Variants in CTNNA1 observed in about 807,000 individuals in gnomAD.
The protein encoded by CTNNA1 is catenin alpha 1, also known as catenin alpha-1.
CTNNA1 carries 37 observed loss-of-function variants against 98.4 expected under a neutral mutation model. The ratio of observed to expected loss-of-function variants is 0.38; its 90% CI spans 0.29 to 0.49. CTNNA1 has a LOEUF of 0.49. CTNNA1 is among the 20% of genes least tolerant of loss of function. The pLI, the probability that CTNNA1 is intolerant of heterozygous loss-of-function variation, is 0.95. For synonymous variants in CTNNA1, 404 were observed against 413.2 expected, an observed-to-expected ratio of 0.98 and a Z score of 0.27; for missense variants, 761 against 1,147.2, an observed-to-expected ratio of 0.66 and a Z score of 4.86.
At chr5:138,806,345 G>A (rs1198530070) in intron 3 of CTNNA1, among the ~76,000 whole-genome samples, 1 of 151,062 alleles carries the variant, frequency 6.6e-6, no homozygotes, top group Non-Finnish European at 1.5e-5. Context: ...CCACAGTCTC[G>A]AGGGTCCTAA....
intron 5 of CTNNA1, among the ~76,000 whole-genome samples, chr5:138,813,667 C>T (rs1759086097): frequency 6.6e-6 from 1 of 152,044 alleles, no homozygotes; most frequent in Non-Finnish European, 1.5e-5. Context: ...ACTCTGTTGC[C>T]CAGGTTGGAG....
intron 3 of CTNNA1, among the ~76,000 whole-genome samples, chr5:138,806,536 C>CTGTAGCTT (rs1177515946): frequency 6.6e-6 from 1 of 152,086 alleles, no homozygotes; most frequent in Non-Finnish European, 1.5e-5. Flanking sequence ...TGGGCTCTCA[C>CTGTAGCTT]TGTAGCTTTC....
Position 138,906,401 on chromosome 5 carries a change from A to G in CTNNA1, c.1389+1960A>G, listed in dbSNP as rs570909451. On this transcript the variant is annotated intron_variant, in intron 10 of 17. Transcript: ENST00000302763. ...TTCAAGTTTGTTTGCCATTTACCCTATCAGCACTTTGTTTTTAATGTCTTT... is the reference window on the plus strand; with the variant it reads ...TTCAAGTTTGTTTGCCATTTACCCTGTCAGCACTTTGTTTTTAATGTCTTT... Among the ~76,000 whole-genome samples the G allele has an allele frequency of 4.6e-5, 7 of 152,280 alleles. No homozygotes were observed. The South Asian group carries it at 1.4e-3, about 32-fold the overall frequency.
At chr5:138,864,698 G>A (rs1487349098) in intron 7 of CTNNA1, among the ~76,000 whole-genome samples, 6 of 152,218 alleles carry the variant, frequency 3.9e-5, no homozygotes, top group Non-Finnish European at 7.3e-5. Context: ...ATGTTCGATT[G>A]CTCTCACTTG....
chr5:138,862,858 AAC>A (rs1764413551), intron 7 of CTNNA1, among the ~76,000 whole-genome samples: 2 of 152,234 alleles, frequency 1.3e-5, no homozygotes, highest in African/African-American at 4.8e-5. Flanking sequence ...ACATGGGTCT[AAC>A]ATGTCTTTAA....
At chr5:138,775,378 A>G (rs1394360507) in intron 1 of CTNNA1, among the ~76,000 whole-genome samples, 1 of 152,166 alleles carries the variant, frequency 6.6e-6, no homozygotes, top group Non-Finnish European at 1.5e-5. Flanking sequence ...TTAAAAACCA[A>G]AGTGTAGGCC....
intron 11 of CTNNA1, among the ~76,000 whole-genome samples, chr5:138,924,243 C>T (rs1165744166): frequency 2.0e-5 from 3 of 151,352 alleles, no homozygotes; most frequent in African/African-American, 7.3e-5. Context: ...CAAAGATGGG[C>T]ATGTCTCCTG....
At chr5:138,848,090 A>G (rs1459470492) in intron 7 of CTNNA1, among the ~76,000 whole-genome samples, 1 of 152,246 alleles carries the variant, frequency 6.6e-6, no homozygotes, top group Non-Finnish European at 1.5e-5. Context: ...TTTGAACTAC[A>G]TTTACTAATG....
chr5:138,832,321 T>C (rs1761348801), intron 7 of CTNNA1, among the ~76,000 whole-genome samples: 1 of 152,192 alleles, frequency 6.6e-6, no homozygotes, highest in African/African-American at 2.4e-5. Context: ...ATTAGGGAAA[T>C]ATCACAGACC....
chr5:138,823,956 C>CAAAAAAAAAAAAAAAAAA (rs369653057), intron 5 of CTNNA1, among the ~76,000 whole-genome samples: 4 of 64,392 alleles, frequency 6.2e-5, no homozygotes, highest in Non-Finnish European at 1.2e-4. Flanking sequence ...GACTCCGTCT[C>CAAAAAAAAAAAAAAAAAA]AAAAAAAAAA....
chr5:138,855,455 C>G (rs1763650655), intron 7 of CTNNA1, among the ~76,000 whole-genome samples: 1 of 152,212 alleles, frequency 6.6e-6, no homozygotes, highest in South Asian at 2.1e-4. Context: ...ATGCCCTTTA[C>G]TTTCAGTGAG....
intron 7 of CTNNA1, among the ~76,000 whole-genome samples, chr5:138,882,530 T>C (rs529839602): frequency 3.9e-5 from 6 of 152,326 alleles, no homozygotes; most frequent in African/African-American, 9.6e-5. Flanking sequence ...TGGGATGATA[T>C]TTGTTTCGTG....
At chr5:138,913,194 T>A (rs1240528888) in intron 10 of CTNNA1, among the ~76,000 whole-genome samples, 4 of 152,174 alleles carry the variant, frequency 2.6e-5, no homozygotes, top group African/African-American at 7.2e-5. Flanking sequence ...TTGTGAGAGA[T>A]CTGACCCTCC....
chr5:138,890,529 G>C (rs79361964), intron 9 of CTNNA1, among the ~76,000 whole-genome samples: 3,473 of 152,252 alleles, frequency 0.023, 136 homozygotes, highest in African/African-American at 0.08. Flanking sequence ...GCCAAATGAG[G>C]AGACACATAG....
At chr5:138,876,777 G>C (rs529962898) in intron 7 of CTNNA1, among the ~76,000 whole-genome samples, 69 of 152,318 alleles carry the variant, frequency 4.5e-4, no homozygotes, top group African/African-American at 1.6e-3. Context: ...TTGTGCTGGA[G>C]TGAGAGCTGT....
At chr5:138,872,756 A>C (rs893449037) in intron 7 of CTNNA1, 1 of 371,862 alleles carries the variant, frequency 2.7e-6, no homozygotes, top group African/African-American at 2.1e-5. Context: ...AATTACATAC[A>C]TTTCTTATTT....
chr5:138,759,284 A>T (rs772310693), intron 1 of CTNNA1, among the ~76,000 whole-genome samples: 89 of 151,664 alleles, frequency 5.9e-4, no homozygotes, highest in Non-Finnish European at 3.2e-4. Context: ...TTTTTTGTTT[A>T]TTTGTTACAG....
chr5:138,829,629 A>G (rs776910766), intron 7 of CTNNA1, among the ~76,000 whole-genome samples: 8 of 152,224 alleles, frequency 5.3e-5, no homozygotes, highest in Non-Finnish European at 1.0e-4. Context: ...TATTCATGCC[A>G]TCAGTGTAAG....
intron 7 of CTNNA1, chr5:138,872,690 T>C: frequency 5.1e-6 from 1 of 194,558 alleles, no homozygotes; most frequent in Non-Finnish European, 1.0e-5. Context: ...TTGTTTTCAG[T>C]AGAAAAAAAT....
Sources: allele counts gnomAD v4.1 joint callset (sites outside exome capture counted in the v4.1 genomes callset), GRCh38; gene constraint gnomAD v4.1.1; transcripts MANE v1.5; gene names NCBI Gene and HGNC (gene_info 2026-07-23, HGNC 2026-07-21).